Variants in SLC18A1 observed in about 807,000 individuals in gnomAD.
SLC18A1 encodes the protein chromaffin granule amine transporter.
Under a neutral mutation model 53.7 loss-of-function variants are expected in SLC18A1, and 69 were observed. The ratio of observed to expected loss-of-function variants is 1.28; its 90% CI spans 1.06 to 1.57. SLC18A1 has a LOEUF of 1.57. Among genes scored for constraint, SLC18A1 ranks in the 40% most tolerant of loss-of-function variants. SLC18A1 has a pLI of 0.00. For missense variants in SLC18A1, 932 were observed against 668.1 expected (o/e 1.40, Z -4.35); for synonymous variants, 320 against 248.1 (o/e 1.29, Z -2.72).
chr8:20,181,788 A>G (rs2128881543), intron 1 of SLC18A1: 1 of 152,188 alleles, frequency 6.6e-6, no homozygotes, highest in Non-Finnish European at 1.5e-5. Context: ...TCTGAAGGTT[A>G]GGAGATTTGT....
At chr8:20,166,315 A>T (rs1394364299) in intron 8 of SLC18A1, among the ~76,000 whole-genome samples, 1 of 96,180 alleles carries the variant, frequency 1.0e-5, no homozygotes, top group Non-Finnish European at 2.1e-5. Context: ...ATATATATAT[A>T]TATATATATA....
At chr8:20,165,015 C>G (rs1214197165) in intron 9 of SLC18A1, 32 bp downstream of exon 9, 1 of 1,613,926 alleles carries the variant, frequency 6.2e-7, no homozygotes, top group South Asian at 1.1e-5. Flanking sequence ...CCCAGACACT[C>G]CCCGCCCAAT....
chr8:20,174,855 A>G (rs1479035175), intron 4 of SLC18A1, among the ~76,000 whole-genome samples: 1 of 152,222 alleles, frequency 6.6e-6, no homozygotes. Context: ...GCTGGGTCCC[A>G]CAGGATCATC....
At chr8:20,177,809 A>C (rs528081287) in intron 4 of SLC18A1, among the ~76,000 whole-genome samples, 115 of 152,264 alleles carry the variant, frequency 7.6e-4, no homozygotes, top group African/African-American at 2.7e-3. Flanking sequence ...ACTTCTCAGC[A>C]TCAATTTCCA....
chr8:20,150,018 T>A (rs1016471520), intron 11 of SLC18A1, among the ~76,000 whole-genome samples: 1 of 152,182 alleles, frequency 6.6e-6, no homozygotes, highest in African/African-American at 2.4e-5. Flanking sequence ...CACTTGTTCC[T>A]TAGAAGTAGC....
At chr8:20,165,860 C>G (rs906884121) in intron 8 of SLC18A1, among the ~76,000 whole-genome samples, 6 of 152,176 alleles carry the variant, frequency 3.9e-5, no homozygotes, top group African/African-American at 9.7e-5. Context: ...GGGCTTCTCT[C>G]TCTTCCAGAC....
chr8:20,170,933 T>G (rs144907149), intron 8 of SLC18A1, among the ~76,000 whole-genome samples, 170 bp downstream of exon 8: 1 of 152,268 alleles, frequency 6.6e-6, no homozygotes, highest in Non-Finnish European at 1.5e-5. Context: ...TACGTCACTA[T>G]CCCCCACACT....
chr8:20,152,389 T>A (rs17489905), intron 10 of SLC18A1, among the ~76,000 whole-genome samples: 7,016 of 152,246 alleles, frequency 0.046, 193 homozygotes, highest in Middle Eastern at 0.11. Context: ...ATTTGCAGAA[T>A]CCAAGAGAAA....
chr8:20,171,169 C>A, intron 7 of SLC18A1, 23 bp from the exon 8 acceptor site: 1 of 1,613,960 alleles, frequency 6.2e-7, no homozygotes, highest in Non-Finnish European at 8.5e-7. Flanking sequence ...GAAGGTGAGA[C>A]AGTTCAGCGT....
intron 13 of SLC18A1, 115 bp from the exon 14 acceptor site, chr8:20,147,837 A>T: frequency 6.7e-7 from 1 of 1,498,016 alleles, no homozygotes; most frequent in Non-Finnish European, 9.0e-7. Context: ...TCGGACTAAC[A>T]CCTGTTCCAG....
At chr8:20,177,008 T>C (rs2072268710) in intron 4 of SLC18A1, among the ~76,000 whole-genome samples, 1 of 152,228 alleles carries the variant, frequency 6.6e-6, no homozygotes, top group Non-Finnish European at 1.5e-5. Flanking sequence ...TTTCATTCTT[T>C]ATGTGACTAT....
At chr8:20,146,639 A>G (rs1041656338) in intron 15 of SLC18A1, among the ~76,000 whole-genome samples, 1 of 152,278 alleles carries the variant, frequency 6.6e-6, no homozygotes, top group Admixed American at 6.5e-5. Context: ...GCTGACCAAC[A>G]TGGATAAACC....
rs763656501 is a variant in SLC18A1, at chr8:20,179,133, G to C, written c.476C>G (p.Pro159Arg). ...MQLLVNPFVG[P>R]LTNRIGYHIP... ...CCCAGTGAGATACCTGTTGGTGAGA[G>C]GGCCCACGAATGGGTTGACCAGAAG... Residue 159 changes from proline (P) to arginine (R), a missense_variant, in exon 3 of 16, where the codon CCT becomes CGT. Pro to Arg is a moderately radical substitution (Grantham distance 103, BLOSUM62 -2). Coordinates refer to ENST00000276373, the MANE Select transcript of SLC18A1 (RefSeq NM_003053.4). 1.2e-5 allele frequency: 19 copies of C among 1,611,212 alleles called. No homozygotes were observed. Among genetic ancestry groups the C allele is most frequent in the Non-Finnish European group, 1.6e-5 (19 of 1,178,116 alleles).
chr8:20,171,293 C>A, intron 7 of SLC18A1, 112 bp downstream of exon 7: 2 of 1,302,452 alleles, frequency 1.5e-6, no homozygotes, highest in Non-Finnish European at 2.2e-6. Flanking sequence ...AGTCCTTGAT[C>A]CATCAAAACA....
chr8:20,172,604 T>C (rs561912847), intron 6 of SLC18A1, among the ~76,000 whole-genome samples: 5 of 152,346 alleles, frequency 3.3e-5, no homozygotes, highest in Admixed American at 2.6e-4. Context: ...TGGCGTTTCC[T>C]AGCTGTGTGA....
At chr8:20,174,295 G>T in intron 5 of SLC18A1, 66 bp downstream of exon 5, 1 of 1,092,204 alleles carries the variant, frequency 9.2e-7, no homozygotes, top group Non-Finnish European at 1.4e-6. Context: ...TAGGATCTGA[G>T]GTAGTAAGAG....
At chr8:20,165,269 T>C (rs1228422674) in intron 8 of SLC18A1, among the ~76,000 whole-genome samples, 162 bp from the exon 9 acceptor site, 3 of 152,190 alleles carry the variant, frequency 2.0e-5, no homozygotes, top group African/African-American at 7.2e-5. Flanking sequence ...AAGTGACTTG[T>C]CTGATGCCAC....
At chr8:20,166,215 A>T (rs28520251) in intron 8 of SLC18A1, among the ~76,000 whole-genome samples, 1 of 147,696 alleles carries the variant, frequency 6.8e-6, no homozygotes, top group African/African-American at 2.5e-5. Flanking sequence ...CTACCTAAAC[A>T]TAGGAGATGG....
At chr8:20,180,428 T>C (rs1024863626) in intron 2 of SLC18A1, among the ~76,000 whole-genome samples, 1 of 152,166 alleles carries the variant, frequency 6.6e-6, no homozygotes, top group Admixed American at 6.5e-5. Context: ...GTCTTGATAC[T>C]AAATCAGATA....
Sources: gnomAD v4.1 joint callset for allele counts (sites outside exome capture counted in the v4.1 genomes callset) on GRCh38, gnomAD v4.1.1 for gene constraint, MANE v1.5 for transcripts, NCBI Gene and HGNC (gene_info 2026-07-23, HGNC 2026-07-21) for gene names.